The following NEB variants were observed in gnomAD, a reference collection of about 807,000 sequenced individuals.
The protein encoded by NEB is nebulin.
Under a neutral mutation model 952.2 loss-of-function variants are expected in NEB, and 512 were observed. That is an observed-to-expected ratio of 0.54 (90% CI 0.50 to 0.58). NEB has a LOEUF of 0.58. NEB is among the 20% of genes least tolerant of loss of function. The pLI is 0.00. For missense variants in NEB, 8,428 were observed against 9,231.1 expected, an observed-to-expected ratio of 0.91 and a Z score of 3.56; for synonymous variants, 2,900 against 3,149.8, an observed-to-expected ratio of 0.92 and a Z score of 2.66.
chr2:151,639,270 C>T lies in NEB; in HGVS notation c.8994+10G>A, dbSNP rs1177139323. ...CAGCAGTGTGCAAATGTCAAAGAAT[C>T]TGCTCTCACCTCACTGTAGTTGATT... On this transcript the variant is annotated intron_variant, in intron 63 of 181. Coordinates refer to ENST00000397345, the MANE Select transcript of NEB (RefSeq NM_001164508.2). 1 of 1,524,232 alleles carries T rather than the reference C, an allele frequency of 6.6e-7. No homozygotes were observed. Among genetic ancestry groups the T allele is most frequent in the African/African-American group, 1.4e-5 (1 of 72,822 alleles). The allele number at this position is 1,524,232 out of a possible 1,614,324, so 94.4% of individuals were successfully genotyped here.
At chr2:151,716,186 T>C in intron 10 of NEB, 1 of 417,882 alleles carries the variant, frequency 2.4e-6, no homozygotes, top group South Asian at 1.8e-5. Context: ...TTGCCCAGAC[T>C]GGAGTGTAAT....
In NEB at chr2:151,490,514, T is replaced by C. The variant is rs1432279381; in HGVS notation, c.25155A>G (p.Gln8385=). 1.2e-6 allele frequency: 2 copies of C among 1,608,724 alleles called. No homozygotes were observed. Among genetic ancestry groups the C allele is most frequent in the Non-Finnish European group, 1.7e-6 (2 of 1,177,612 alleles). The change falls in exon 180 of 182, where the codon CAA becomes CAG. Residue 8385 remains glutamine, a synonymous_variant. Coordinates refer to ENST00000397345, the MANE Select transcript of NEB (RefSeq NM_001164508.2). ...QSRSLHMINV[Q]AQRRSREQSR... is the part of the protein sequence containing the mutation. ...ACTGCTCCCGGCTCCGGCGCTGAGC[T>C]TGGACTGGGAGAGATGCAGTTGGGG...
At chr2:151,575,521 G>A (rs1377718552) in intron 107 of NEB, among the ~76,000 whole-genome samples, 174 bp downstream of exon 107, 2 of 152,208 alleles carry the variant, frequency 1.3e-5, no homozygotes, top group Admixed American at 6.5e-5. Flanking sequence ...CTTGCCCAGT[G>A]AATCACCAGG....
intron 15 of NEB, 30 bp downstream of exon 15, chr2:151,697,320 G>C: frequency 6.2e-7 from 1 of 1,609,808 alleles, no homozygotes; most frequent in Admixed American, 1.7e-5. Flanking sequence ...AATGTTATTT[G>C]GAAAGTCAAA....
At chr2:151,648,018 T>C (rs1315121404) in intron 54 of NEB, among the ~76,000 whole-genome samples, 1 of 152,122 alleles carries the variant, frequency 6.6e-6, no homozygotes, top group Admixed American at 6.5e-5. Context: ...TAATTTCTCA[T>C]ATAGATATAT....
intron 24 of NEB, 113 bp downstream of exon 24, chr2:151,690,611 AAAT>A: frequency 1.3e-6 from 1 of 797,086 alleles, no homozygotes; most frequent in Non-Finnish European, 2.1e-6. Context: ...AAATCTTGAA[AAAT>A]AATAATATTG....
intron 156 of NEB, among the ~76,000 whole-genome samples, chr2:151,518,030 C>T (rs1451185499): frequency 1.3e-5 from 2 of 152,142 alleles, no homozygotes; most frequent in South Asian, 2.1e-4. Flanking sequence ...GGGCACAAAC[C>T]CATGGGGCAC....
At chr2:151,612,650 G>A (rs2098030540) in intron 77 of NEB, among the ~76,000 whole-genome samples, 1 of 152,024 alleles carries the variant, frequency 6.6e-6, no homozygotes, top group African/African-American at 2.4e-5. Flanking sequence ...ACCACCTTAA[G>A]GAAATTACTG....
chr2:151,497,944 G>GTTAT (rs939312171), intron 170 of NEB: 190 of 1,444,070 alleles, frequency 1.3e-4, no homozygotes, highest in Non-Finnish European at 1.6e-4. Context: ...AGTTATCCAT[G>GTTAT]TTATTTTTTT....
intron 28 of NEB, among the ~76,000 whole-genome samples, chr2:151,683,314 G>A (rs980457471): frequency 9.2e-5 from 14 of 152,154 alleles, no homozygotes; most frequent in East Asian, 1.9e-4. Flanking sequence ...AGTTGCACTC[G>A]TTAATTTGCA....
chr2:151,634,470 C>T (rs1210699749), intron 64 of NEB, among the ~76,000 whole-genome samples: 11 of 152,010 alleles, frequency 7.2e-5, no homozygotes, highest in Admixed American at 4.6e-4. Flanking sequence ...GGTGAAACCT[C>T]GTCTCTACTA....
chr2:151,552,787 G>A lies in NEB; in HGVS notation c.19732-11C>T. ...AGCTTTATACTTGATCTGCCGAGAG[G>A]AAGAAAACAAGCCCATGTTGGACCA... On this transcript the variant is annotated splice_polypyrimidine_tract_variant and intron_variant, in intron 127 of 181. Coordinates refer to ENST00000397345, the MANE Select transcript of NEB (RefSeq NM_001164508.2). 2.5e-6 allele frequency: 4 copies of A among 1,597,040 alleles called. No homozygotes were observed. Among genetic ancestry groups the A allele is most frequent in the Admixed American group, 1.7e-5 (1 of 59,070 alleles).
intron 6 of NEB, 58 bp from the exon 7 acceptor site, chr2:151,725,019 A>ACAT (rs2099786189): frequency 4.5e-6 from 6 of 1,342,532 alleles, no homozygotes; most frequent in Admixed American, 3.5e-5. Flanking sequence ...GAGTATATTA[A>ACAT]GGAATTTCTT....
At chr2:151,490,601 A>C in intron 179 of NEB, 83 bp from the exon 180 acceptor site, 1 of 1,488,602 alleles carries the variant, frequency 6.7e-7, no homozygotes, top group Non-Finnish European at 9.2e-7. Context: ...AATCTCAGTT[A>C]TTGTTATCTT....
In NEB at chr2:151,685,559, G is replaced by A. The variant is rs569580109; in HGVS notation, c.2638-584C>T. Among the ~76,000 whole-genome samples the A allele has an allele frequency of 4.6e-5, 7 of 152,308 alleles. No homozygotes were observed. In the East Asian group the frequency reaches 1.2e-3, roughly 25 times the overall value. On this transcript the variant is annotated intron_variant, in intron 27 of 181. Coordinates refer to ENST00000397345, the MANE Select transcript of NEB (RefSeq NM_001164508.2). ...GGGCAACAATTTAAAAGAAGCTTCA[G>A]ATTGCAGCAGTTAAAAGACTTCACA... is the stretch of plus-strand genomic sequence containing the variant.
chr2:151,620,059 A>G lies in NEB; in HGVS notation c.10561-297T>C, dbSNP rs1226831284. On this transcript the variant is annotated intron_variant, in intron 72 of 181. Transcript: ENST00000397345. ...AACCATGATGGTGTCTCAGAAATCC[A>G]TCATGTGAGTGAGCCTATTTAAGAA... Among the ~76,000 whole-genome samples the G allele has an allele frequency of 2.6e-5, 4 of 152,128 alleles. No homozygotes were observed. The East Asian group carries it at 7.7e-4, about 29-fold the overall frequency.
chr2:151,669,786 C>T (rs2099263695), intron 38 of NEB, among the ~76,000 whole-genome samples: 2 of 152,134 alleles, frequency 1.3e-5, no homozygotes, highest in African/African-American at 4.8e-5. Context: ...ATAAGAGGGA[C>T]ATGATTTGAT....
intron 28 of NEB, 37 bp from the exon 29 acceptor site, chr2:151,682,806 T>C: frequency 6.5e-7 from 1 of 1,533,944 alleles, no homozygotes; most frequent in Non-Finnish European, 9.0e-7. Flanking sequence ...TTCTTTGCTG[T>C]GTCATCCTCA....
At position 151,565,740 on chromosome 2, in the gene NEB, A is replaced by G; in HGVS notation, c.18237T>C (p.Thr6079=). The change falls in exon 115 of 182, where the codon ACT becomes ACC. Residue 6079 remains threonine, a synonymous_variant. Transcript: ENST00000397345. ...PLDSVDHVRV[T]KNQEMMSQIK... ...CCTGACTCATCATTTCCTGGTTCTT[A>G]GTAACCCTTACATGGTCCACAGAAT... 6.2e-7 allele frequency: 1 copy of G among 1,612,532 alleles called. No homozygotes were observed. Among genetic ancestry groups the G allele is most frequent in the Non-Finnish European group, 8.5e-7 (1 of 1,179,252 alleles).
Sources: gnomAD v4.1 joint callset for allele counts (sites outside exome capture counted in the v4.1 genomes callset) on GRCh38, gnomAD v4.1.1 for gene constraint, MANE v1.5 for transcripts, NCBI Gene and HGNC (gene_info 2026-07-23, HGNC 2026-07-21) for gene names.